The following CNTNAP5 variants were observed in gnomAD, a reference collection of about 807,000 sequenced individuals.
CNTNAP5 encodes the protein contactin-associated protein-like 5.
CNTNAP5 carries 72 observed loss-of-function variants against 150.2 expected under a neutral mutation model. The observed-to-expected ratio is 0.48, with a 90% CI of 0.40 to 0.58. CNTNAP5 has a LOEUF of 0.58. Ranked by LOEUF, CNTNAP5 falls within the 20% of genes least tolerant of loss-of-function variation. The pLI is 0.00. For synonymous variants in CNTNAP5, 672 were observed against 619.8 expected (o/e 1.08, Z -1.25); for missense variants, 1,636 against 1,626.2 (o/e 1.01, Z -0.10).
At position 124,918,311 on chromosome 2, in the gene CNTNAP5, C is replaced by G. The variant is rs1678808251; in HGVS notation, c.*4023C>G. Among the ~76,000 whole-genome samples the G allele has an allele frequency of 6.6e-6, 1 of 152,010 alleles. No individual in the cohort carries two copies. Among genetic ancestry groups the G allele is most frequent in the African/African-American group, 2.4e-5 (1 of 41,426 alleles). Reference sequence around the variant, plus strand: ...GCTCTTCCTAAAACCCTCCTTAGTCCTGATGAGCCATTTTGACTCTACATA... The same window carrying G: ...GCTCTTCCTAAAACCCTCCTTAGTCGTGATGAGCCATTTTGACTCTACATA... On this transcript the variant is annotated 3_prime_UTR_variant, in exon 24 of 24. Transcript: ENST00000682447.
At chr2:124,078,770 G>T (rs963475413) in intron 1 of CNTNAP5, among the ~76,000 whole-genome samples, 4 of 152,170 alleles carry the variant, frequency 2.6e-5, no homozygotes, top group African/African-American at 9.7e-5. Context: ...TTTTATTTGT[G>T]AGATTGTCCC....
intron 19 of CNTNAP5, among the ~76,000 whole-genome samples, chr2:124,828,303 A>C (rs1488639414): frequency 1.3e-5 from 2 of 152,054 alleles, no homozygotes; most frequent in African/African-American, 4.8e-5. Flanking sequence ...AACATGGTGA[A>C]ATCTCATCTC....
intron 3 of CNTNAP5, among the ~76,000 whole-genome samples, chr2:124,305,172 A>C (rs72839440): frequency 0.2 from 29,122 of 148,990 alleles, 3,028 homozygotes; most frequent in East Asian, 0.34. Context: ...CCAGCTACTC[A>C]GGAGGCTGAG....
At chr2:124,383,369 C>A (rs191179482) in intron 3 of CNTNAP5, among the ~76,000 whole-genome samples, 78 of 152,278 alleles carry the variant, frequency 5.1e-4, no homozygotes, top group African/African-American at 1.6e-3. Flanking sequence ...CTTTTTATGT[C>A]CTTCTTCCTA....
chr2:124,709,240 T>C (rs964725560), intron 13 of CNTNAP5, among the ~76,000 whole-genome samples: 11 of 151,620 alleles, frequency 7.3e-5, no homozygotes, highest in Non-Finnish European at 1.5e-4. Context: ...TGCGTGTGTG[T>C]GTGTGTGTGT....
At chr2:124,110,409 C>A (rs1048031381) in intron 1 of CNTNAP5, among the ~76,000 whole-genome samples, 2 of 151,870 alleles carry the variant, frequency 1.3e-5, no homozygotes, top group South Asian at 2.1e-4. Flanking sequence ...GAAGTTAAAA[C>A]AATAAAAAAA....
At chr2:124,768,793 A>G (rs1681125129) in intron 16 of CNTNAP5, among the ~76,000 whole-genome samples, 1 of 152,108 alleles carries the variant, frequency 6.6e-6, no homozygotes, top group Admixed American at 6.5e-5. Context: ...GAGAACATAC[A>G]ATTATTTACC....
chr2:124,820,723 T>G (rs1445840441), intron 19 of CNTNAP5, among the ~76,000 whole-genome samples: 3 of 152,218 alleles, frequency 2.0e-5, no homozygotes, highest in Non-Finnish European at 4.4e-5. Flanking sequence ...GCGCATTATC[T>G]CTTTGGATCT....
At chr2:124,097,704 T>C (rs4293569) in intron 1 of CNTNAP5, among the ~76,000 whole-genome samples, 97,246 of 152,008 alleles carry the variant, frequency 0.64, 31,519 homozygotes, top group Admixed American at 0.73. Flanking sequence ...TTTGGGGGAC[T>C]GCCCCAACCC....
chr2:124,876,492 T>C (rs1677863669), intron 21 of CNTNAP5, among the ~76,000 whole-genome samples: 1 of 151,804 alleles, frequency 6.6e-6, no homozygotes, highest in African/African-American at 2.4e-5. Context: ...GTTATAGCCA[T>C]GGGCTAGGAA....
At chr2:124,082,881 A>G (rs1163484068) in intron 1 of CNTNAP5, among the ~76,000 whole-genome samples, 13 of 152,096 alleles carry the variant, frequency 8.5e-5, no homozygotes, top group Admixed American at 6.5e-4. Context: ...ATTTGCATTT[A>G]TCTACTGGCT....
At chr2:124,483,104 T>C (rs1371568279) in intron 7 of CNTNAP5, among the ~76,000 whole-genome samples, 2 of 152,156 alleles carry the variant, frequency 1.3e-5, no homozygotes, top group Non-Finnish European at 2.9e-5. Flanking sequence ...CTTTACCTCT[T>C]CCCTGACCCA....
chr2:124,299,653 G>A (rs4528764), intron 3 of CNTNAP5, among the ~76,000 whole-genome samples: 71,665 of 152,068 alleles, frequency 0.47, 17,247 homozygotes, highest in South Asian at 0.67. Flanking sequence ...GAACATGTGC[G>A]TGCGTGTGTG....
Position 124,285,804 on chromosome 2 carries a change from A to AAAAC in CNTNAP5, c.381+43428_381+43431dup, listed in dbSNP as rs575308514. Among the ~76,000 whole-genome samples the AAAAC allele has an allele frequency of 1.1e-3, 168 of 152,180 alleles. 2 individuals are homozygous for AAAAC. The highest frequency in any genetic ancestry group is 3.5e-3 in the African/African-American group (146 of 41,534). ...GTGACAGAATGAGACCTTGTCTTGAAAAACAAACAAACAAACAAACGAAAA... is the reference window on the plus strand; with the variant it reads ...GTGACAGAATGAGACCTTGTCTTGAAAAACAAACAAACAAACAAACAAACGAAAA... On this transcript the variant is annotated intron_variant, in intron 3 of 23. Coordinates refer to ENST00000682447, the MANE Select transcript of CNTNAP5 (RefSeq NM_001367498.1).
chr2:124,240,840 T>G (rs1473331297), intron 2 of CNTNAP5, among the ~76,000 whole-genome samples: 1 of 152,176 alleles, frequency 6.6e-6, no homozygotes, highest in Non-Finnish European at 1.5e-5. Flanking sequence ...ATTGCAGTCC[T>G]GTACTATGAG....
intron 16 of CNTNAP5, among the ~76,000 whole-genome samples, chr2:124,769,631 G>A (rs1681146885): frequency 6.6e-6 from 1 of 152,324 alleles, no homozygotes; most frequent in East Asian, 1.9e-4. Context: ...CTGGGCCACA[G>A]TGGGATGTAT....
chr2:124,718,276 C>G (rs1041146393), intron 13 of CNTNAP5, among the ~76,000 whole-genome samples: 4 of 152,148 alleles, frequency 2.6e-5, no homozygotes, highest in African/African-American at 9.7e-5. Context: ...GCTGTTCTAT[C>G]TGGGTAGAGG....
chr2:124,828,107 A>G (rs1682635932), intron 19 of CNTNAP5, among the ~76,000 whole-genome samples: 1 of 152,192 alleles, frequency 6.6e-6, no homozygotes, highest in Non-Finnish European at 1.5e-5. Flanking sequence ...TACTGCTGTA[A>G]TCTTGCAAGA....
intron 2 of CNTNAP5, among the ~76,000 whole-genome samples, chr2:124,233,905 C>T (rs931117481): frequency 8.6e-5 from 13 of 151,834 alleles, no homozygotes; most frequent in African/African-American, 3.1e-4. Context: ...CTTTTAAACT[C>T]AAAAACACCA....
Sources: gnomAD v4.1 joint callset for allele counts (sites outside exome capture counted in the v4.1 genomes callset) on GRCh38, gnomAD v4.1.1 for gene constraint, MANE v1.5 for transcripts, NCBI Gene and HGNC (gene_info 2026-07-23, HGNC 2026-07-21) for gene names.